Variants in PVT1 observed in about 807,000 individuals in gnomAD.
PVT1 encodes the protein CXCR4/PVT1 fusion.
At chr8:127,941,383 G>A (rs1037155914) in intron 3 of PVT1, among the ~76,000 whole-genome samples, 1 of 152,122 alleles carries the variant, frequency 6.6e-6, no homozygotes, top group Non-Finnish European at 1.5e-5. Flanking sequence ...AGGAAATTCC[G>A]ACATGGGCAT....
chr8:127,970,300 T>TTTTTTTTG lies in PVT1; in HGVS notation n.783-18855_783-18854insGTTTTTTT. On this transcript the variant is annotated intron_variant and non_coding_transcript_variant, in intron 3 of 10. Coordinates refer to ENST00000651587, the Ensembl canonical transcript of PVT1. ...ATCTGCCATGATTTGTTTTTTTTTT[T>TTTTTTTTG]TTTTTTTTTTTTTTTGAGATAGAGT... 1.6e-5 allele frequency among the ~76,000 whole-genome samples: 2 copies of TTTTTTTTG among 122,922 alleles called. 1 individual carries two copies. The highest frequency in any genetic ancestry group is 3.4e-5 in the Non-Finnish European group (2 of 58,266). The allele number at this position is 122,922 out of a possible 152,430, so 80.6% of individuals were successfully genotyped here. A position where few individuals can be genotyped will look rare whatever the true frequency, so the allele number is the denominator to read the frequency against.
intron 4 of PVT1, among the ~76,000 whole-genome samples, chr8:128,044,277 A>G (rs1422979140): frequency 1.3e-5 from 2 of 151,724 alleles, no homozygotes; most frequent in East Asian, 1.9e-4. Flanking sequence ...CTGACCCAGC[A>G]TATAGTTACT....
chr8:128,043,514 C>T (rs145415776), intron 4 of PVT1, among the ~76,000 whole-genome samples: 3 of 152,132 alleles, frequency 2.0e-5, no homozygotes, highest in Non-Finnish European at 4.4e-5. Flanking sequence ...GCATGGCATT[C>T]GCTCGCTCAT....
At chr8:128,021,290 C>CTGTT (rs1817431275) in intron 4 of PVT1, among the ~76,000 whole-genome samples, 1 of 81,140 alleles carries the variant, frequency 1.2e-5, no homozygotes, top group African/African-American at 4.8e-5. Flanking sequence ...AGGACTTGTG[C>CTGTT]TTTTTTTTTT....
intron 2 of PVT1, among the ~76,000 whole-genome samples, chr8:127,869,624 G>A (rs1191716358): frequency 6.6e-6 from 1 of 152,062 alleles, no homozygotes; most frequent in Non-Finnish European, 1.5e-5. Flanking sequence ...TTAAGGGCCT[G>A]GTTGTTTCTA....
intron 3 of PVT1, among the ~76,000 whole-genome samples, chr8:127,925,893 G>A (rs1586439046): frequency 6.6e-6 from 1 of 152,132 alleles, no homozygotes; most frequent in Admixed American, 6.5e-5. Flanking sequence ...CACCCACCTC[G>A]GGCTCCCAAA....
intron 3 of PVT1, among the ~76,000 whole-genome samples, chr8:127,964,035 A>T (rs1816676419): frequency 6.6e-6 from 1 of 152,200 alleles, no homozygotes; most frequent in African/African-American, 2.4e-5. Context: ...CTGGAGGGAG[A>T]TCCCCACAGG....
chr8:127,833,956 T>A (rs1256631415), intron 2 of PVT1, among the ~76,000 whole-genome samples: 1 of 152,184 alleles, frequency 6.6e-6, no homozygotes, highest in East Asian at 1.9e-4. Context: ...GGCCTGAGAA[T>A]TGGATCTAAC....
chr8:128,034,280 A>G (rs765924381), intron 4 of PVT1, among the ~76,000 whole-genome samples: 2 of 151,756 alleles, frequency 1.3e-5, no homozygotes, highest in African/African-American at 4.8e-5. Flanking sequence ...CTAAAGGTTT[A>G]TAAGGAGGAT....
At chr8:127,938,950 C>T (rs1047821369) in intron 3 of PVT1, among the ~76,000 whole-genome samples, 1 of 152,226 alleles carries the variant, frequency 6.6e-6, no homozygotes, top group Non-Finnish European at 1.5e-5. Flanking sequence ...GATGAGGAAA[C>T]TGAGGCTGAG....
At chr8:128,031,026 C>G (rs904120659) in intron 4 of PVT1, among the ~76,000 whole-genome samples, 1 of 152,260 alleles carries the variant, frequency 6.6e-6, no homozygotes, top group Admixed American at 6.5e-5. Context: ...TCCCAACCAT[C>G]GTGTTGACAG....
At chr8:128,052,743 C>A (rs1021018646) in intron 4 of PVT1, among the ~76,000 whole-genome samples, 28 of 152,360 alleles carry the variant, frequency 1.8e-4, no homozygotes, top group African/African-American at 6.5e-4. Flanking sequence ...AAAACCAGTG[C>A]TGTTGTCACA....
At chr8:127,994,777 G>A (rs888432466) in intron 4 of PVT1, among the ~76,000 whole-genome samples, 1 of 151,398 alleles carries the variant, frequency 6.6e-6, no homozygotes, top group Admixed American at 6.6e-5. Flanking sequence ...CAGATTCGAA[G>A]GCCTGAGGAC....
intron 3 of PVT1, among the ~76,000 whole-genome samples, chr8:127,907,765 T>C (rs1815840560): frequency 6.6e-6 from 1 of 152,202 alleles, no homozygotes; most frequent in Non-Finnish European, 1.5e-5. Flanking sequence ...CCCTGTTTTC[T>C]AAGCTATCAC....
At chr8:127,938,131 G>C (rs1816302104) in intron 3 of PVT1, among the ~76,000 whole-genome samples, 1 of 152,152 alleles carries the variant, frequency 6.6e-6, no homozygotes, top group African/African-American at 2.4e-5. Context: ...GAATGATACT[G>C]TTTTTTCCTA....
chr8:127,796,398 C>A (rs1814396822), intron 2 of PVT1, among the ~76,000 whole-genome samples: 1 of 152,174 alleles, frequency 6.6e-6, no homozygotes, highest in Admixed American at 6.5e-5. Flanking sequence ...CTGATCCCCA[C>A]TAGTTTATAT....
At chr8:127,847,147 C>T (rs544860148) in intron 2 of PVT1, among the ~76,000 whole-genome samples, 43 of 151,854 alleles carry the variant, frequency 2.8e-4, no homozygotes, top group African/African-American at 9.4e-4. Context: ...GGATTATAGG[C>T]GCCCACCACC....
At chr8:127,847,316 T>C (rs768481921) in intron 2 of PVT1, among the ~76,000 whole-genome samples, 1 of 152,106 alleles carries the variant, frequency 6.6e-6, no homozygotes, top group Non-Finnish European at 1.5e-5. Context: ...ATAATACACA[T>C]GTTGTTGATG....
chr8:128,089,380 C>T (rs919381362), intron 5 of PVT1, among the ~76,000 whole-genome samples: 3 of 152,096 alleles, frequency 2.0e-5, no homozygotes, highest in African/African-American at 7.2e-5. Context: ...TATAATGGTA[C>T]TAATCTCAGT....
Sources: gnomAD v4.1 joint callset for allele counts (sites outside exome capture counted in the v4.1 genomes callset) on GRCh38, gnomAD v4.1.1 for gene constraint, MANE v1.5 for transcripts, NCBI Gene and HGNC (gene_info 2026-07-23, HGNC 2026-07-21) for gene names.